USP46: variants seen among roughly 807,000 people sequenced by gnomAD.
USP46 encodes the protein ubiquitin specific peptidase 46.
USP46 carries 12 observed loss-of-function variants against 44.4 expected under a neutral mutation model. The ratio of observed to expected loss-of-function variants is 0.27; its 90% CI spans 0.17 to 0.44. The LOEUF (loss-of-function observed/expected upper bound fraction) is 0.44. USP46 is among the 20% of genes least tolerant of loss of function. USP46 has a pLI of 1.00. For missense variants in USP46, 248 were observed against 444.8 expected, an observed-to-expected ratio of 0.56 and a Z score of 3.98; for synonymous variants, 155 against 161.5, an observed-to-expected ratio of 0.96 and a Z score of 0.31.
At chr4:52,600,193 C>T (rs1385580536) in intron 7 of USP46, among the ~76,000 whole-genome samples, 1 of 152,140 alleles carries the variant, frequency 6.6e-6, no homozygotes, top group African/African-American at 2.4e-5. Flanking sequence ...TGCTGTGTGT[C>T]TTTTCGTTAC....
chr4:52,645,212 C>T (rs971676200), intron 1 of USP46, among the ~76,000 whole-genome samples: 6 of 135,122 alleles, frequency 4.4e-5, no homozygotes, highest in African/African-American at 1.7e-4. Flanking sequence ...GAGGTGAAGA[C>T]AGACTCTATC....
intron 1 of USP46, among the ~76,000 whole-genome samples, chr4:52,635,080 CTTT>C (rs74931782): frequency 1.5e-4 from 20 of 135,364 alleles, no homozygotes; most frequent in Admixed American, 3.0e-4. Context: ...TCTACTTCTT[CTTT>C]TTTTTTTTTT....
At chr4:52,616,417 G>A (rs1020960708) in intron 4 of USP46, among the ~76,000 whole-genome samples, 12 of 151,920 alleles carry the variant, frequency 7.9e-5, no homozygotes, top group African/African-American at 2.4e-4. Flanking sequence ...TTGTCACTCA[G>A]GCTGGAGTGC....
intron 4 of USP46, among the ~76,000 whole-genome samples, chr4:52,618,263 C>A (rs1195972285): frequency 2.0e-5 from 3 of 151,842 alleles, no homozygotes; most frequent in Non-Finnish European, 4.4e-5. Flanking sequence ...CTCAGGTGGG[C>A]AGATCATCTG....
chr4:52,601,036 C>G lies in USP46; in HGVS notation c.920+821G>C, dbSNP rs546904242. Among the ~76,000 whole-genome samples the G allele has an allele frequency of 7.2e-5, 11 of 152,278 alleles. No homozygotes were observed. In the East Asian group the frequency reaches 2.1e-3, roughly 29 times the overall value. ...AGTACACAATTAAAAATATATCAAC[C>G]TATTCCTCTGCGTGGCAATGGTAGT... is the stretch of plus-strand genomic sequence containing the variant. On this transcript the variant is annotated intron_variant, in intron 7 of 8. Coordinates refer to ENST00000441222, the MANE Select transcript of USP46 (RefSeq NM_022832.4).
intron 1 of USP46, among the ~76,000 whole-genome samples, chr4:52,646,445 G>A (rs976659883): frequency 6.6e-6 from 1 of 152,130 alleles, no homozygotes; most frequent in African/African-American, 2.4e-5. Context: ...AAAAACATGA[G>A]TAAGTTGTTC....
chr4:52,634,028 TGAG>T (rs1262479338), intron 1 of USP46, among the ~76,000 whole-genome samples: 1 of 152,220 alleles, frequency 6.6e-6, no homozygotes, highest in Admixed American at 6.5e-5. Flanking sequence ...GCAAGGGTCA[TGAG>T]GAGAAGTTGG....
intron 5 of USP46, among the ~76,000 whole-genome samples, chr4:52,609,688 G>A (rs886849714): frequency 6.6e-6 from 1 of 151,932 alleles, no homozygotes; most frequent in African/African-American, 2.4e-5. Context: ...ACAGGGGATG[G>A]GGAGGCACTT....
intron 1 of USP46, among the ~76,000 whole-genome samples, chr4:52,638,859 G>A (rs17051641): frequency 0.13 from 18,997 of 151,688 alleles, 1,197 homozygotes; most frequent in African/African-American, 0.16. Context: ...ACATATGTTC[G>A]TGCTCTCCCT....
intron 1 of USP46, among the ~76,000 whole-genome samples, chr4:52,654,527 T>G (rs1183813427): frequency 1.3e-5 from 2 of 152,214 alleles, no homozygotes; most frequent in African/African-American, 4.8e-5. Flanking sequence ...ATAACTTCAT[T>G]TATTTATATG....
chr4:52,626,970 G>A (rs1377316627), intron 3 of USP46, among the ~76,000 whole-genome samples: 1 of 152,144 alleles, frequency 6.6e-6, no homozygotes, highest in African/African-American at 2.4e-5. Context: ...TTAAACCCTG[G>A]ACCAGCCTGG....
chr4:52,633,715 G>A (rs909475121), intron 1 of USP46, among the ~76,000 whole-genome samples: 6 of 152,064 alleles, frequency 3.9e-5, no homozygotes, highest in Non-Finnish European at 7.4e-5. Flanking sequence ...TCTTAGGTTC[G>A]GTGTGCTTTT....
chr4:52,611,210 G>A lies in USP46; in HGVS notation c.562-593C>T, dbSNP rs568124828. ...AGAGCCCTGTGCTGTCCATGACAAT[G>A]ACCAGACCTGGGGCTGGCCTGCAGC... On this transcript the variant is annotated intron_variant, in intron 4 of 8. Transcript: ENST00000441222. 2.0e-5 allele frequency among the ~76,000 whole-genome samples: 3 copies of A among 152,336 alleles called. 1 individual carries two copies. The East Asian group carries it at 5.8e-4, about 29-fold the overall frequency.
In USP46 at chr4:52,628,086, T is replaced by A; in HGVS notation, c.195A>T (p.Ala65=). The change falls in exon 3 of 9, where the codon GCA becomes GCT. Residue 65 remains alanine, a synonymous_variant. Transcript: ENST00000441222. ...CCTTCTTCTTTTGCTGGGCCTTGTA[T>A]GCCAACACATTCTCCCGGAATGGAC... ...FCRPFRENVL[A]YKAQQKKKEN... The A allele has an allele frequency of 6.2e-7, 1 of 1,614,000 alleles. No individual in the cohort carries two copies. Among genetic ancestry groups the A allele is most frequent in the Non-Finnish European group, 8.5e-7 (1 of 1,179,876 alleles).
chr4:52,600,923 T>A (rs970924547), intron 7 of USP46, among the ~76,000 whole-genome samples: 1 of 152,158 alleles, frequency 6.6e-6, no homozygotes, highest in African/African-American at 2.4e-5. Flanking sequence ...TACAAGAAAA[T>A]ATCCAGTGAC....
intron 4 of USP46, among the ~76,000 whole-genome samples, chr4:52,619,300 GA>G (rs552779210): frequency 2.0e-3 from 267 of 135,100 alleles, no homozygotes; most frequent in African/African-American, 2.8e-3. Context: ...TGAGACCCAG[GA>G]AAAAAAAAAA....
intron 3 of USP46, 48 bp downstream of exon 3, chr4:52,627,902 T>TTG: frequency 6.4e-7 from 1 of 1,551,638 alleles, no homozygotes; most frequent in Non-Finnish European, 8.8e-7. Context: ...GAACCATCAA[T>TTG]TCTCCTTATT....
chr4:52,620,998 G>A (rs1401671933), intron 4 of USP46, among the ~76,000 whole-genome samples: 5 of 152,156 alleles, frequency 3.3e-5, no homozygotes, highest in African/African-American at 7.2e-5. Flanking sequence ...GGGATACTGA[G>A]CAAAAGGCAA....
chr4:52,638,351 G>A (rs1416613218), intron 1 of USP46, among the ~76,000 whole-genome samples: 1 of 152,036 alleles, frequency 6.6e-6, no homozygotes, highest in African/African-American at 2.4e-5. Flanking sequence ...ACTAGAAAAG[G>A]CAAGGAAATA....
Sources: gnomAD v4.1 joint callset for allele counts (sites outside exome capture counted in the v4.1 genomes callset) on GRCh38, gnomAD v4.1.1 for gene constraint, MANE v1.5 for transcripts, NCBI Gene and HGNC (gene_info 2026-07-23, HGNC 2026-07-21) for gene names.